Variants in JUN observed in about 807,000 individuals in gnomAD.
JUN encodes Jun proto-oncogene, AP-1 transcription factor subunit.
JUN carries 7 observed loss-of-function variants against 19.7 expected under a neutral mutation model. That is an observed-to-expected ratio of 0.36 (90% CI 0.20 to 0.67). The LOEUF is 0.67. Ranked by LOEUF, JUN falls within the 30% of genes least tolerant of loss-of-function variation. The probability of loss-of-function intolerance (pLI) is 0.64; values close to 1 mark genes in which losing one functional copy is unlikely to be tolerated. For synonymous variants in JUN, 246 were observed against 206.9 expected (o/e 1.19, Z -1.62); for missense variants, 373 against 451.0 (o/e 0.83, Z 1.57).
chr1:58,782,030 G>T lies in JUN; in HGVS notation c.*45C>A. ...CAAGTTCTCAAGTCTGTCTCTCTGT[G>T]TTATTTTTTTTCTTCGTTGCCCCTC... is the stretch of plus-strand genomic sequence containing the variant. On this transcript the variant is annotated 3_prime_UTR_variant, in exon 1 of 1. Coordinates refer to ENST00000371222, the MANE Select transcript of JUN (RefSeq NM_002228.4). The surrounding 1 kb of genome is among the most constrained non-coding windows in gnomAD (Gnocchi z 8.7). The T allele has an allele frequency of 6.9e-7, 1 of 1,455,756 alleles. No homozygotes were observed. Among genetic ancestry groups the T allele is most frequent in the Non-Finnish European group, 9.6e-7 (1 of 1,045,842 alleles). The allele number at this position is 1,455,756 out of a possible 1,614,324, so 90.2% of individuals were successfully genotyped here. A position where few individuals can be genotyped will look rare whatever the true frequency, so the allele number is the denominator to read the frequency against.
In JUN at chr1:58,783,343, C is replaced by A; in HGVS notation, c.-273G>T. ...CCGGCTTTGAAAAGTCGCGGTCACT[C>A]ACTGAGCGCTCTTCGTGCGCAGCGG... On this transcript the variant is annotated 5_prime_UTR_variant, in exon 1 of 1. Coordinates refer to ENST00000371222, the MANE Select transcript of JUN (RefSeq NM_002228.4). 2.1e-6 allele frequency: 1 copy of A among 469,998 alleles called. No individual in the cohort carries two copies. Among genetic ancestry groups the A allele is most frequent in the Non-Finnish European group, 4.0e-6 (1 of 252,590 alleles). 29.1% of individuals were successfully genotyped at this position (469,998 alleles called of 1,614,324 possible). A position where few individuals can be genotyped will look rare whatever the true frequency, so the allele number is the denominator to read the frequency against.
At position 58,781,816 on chromosome 1, in the gene JUN, G is replaced by C. The variant is rs1251528164; in HGVS notation, c.*259C>G. On this transcript the variant is annotated 3_prime_UTR_variant, in exon 1 of 1. Coordinates refer to ENST00000371222, the MANE Select transcript of JUN (RefSeq NM_002228.4). Reference sequence around the variant, plus strand: ...GAAAAGTCCAACGTTCCGTTCGCGCGGGGACAGCCCGTCCGCAAAGCGGGG... The same window carrying C: ...GAAAAGTCCAACGTTCCGTTCGCGCCGGGACAGCCCGTCCGCAAAGCGGGG... 3.9e-6 allele frequency: 2 copies of C among 516,578 alleles called. No homozygotes were observed. The highest frequency in any genetic ancestry group is 3.4e-6 in the Non-Finnish European group (1 of 291,052). 32.0% of individuals were successfully genotyped at this position (516,578 alleles called of 1,614,324 possible).
In JUN at chr1:58,782,613, C is replaced by G. The variant is rs1645585431; in HGVS notation, c.458G>C (p.Gly153Ala). The change falls in exon 1 of 1, where the codon GGC (glycine) becomes GCC (alanine). Residue 153 changes from glycine to alanine, a missense_variant. Physicochemically the swap from Gly to Ala is moderately conservative, Grantham distance 60. Transcript: ENST00000371222. The surrounding 1 kb of genome is among the most constrained non-coding windows in gnomAD (Gnocchi z 8.7). Reference sequence around the variant, plus strand: ...GGCGCTGAAGCCGCCGCTGCCGCTGCCCCCTGCCACCGAGGCTACCGCGGG... The same window carrying G: ...GGCGCTGAAGCCGCCGCTGCCGCTGGCCCCTGCCACCGAGGCTACCGCGGG... The part of the protein sequence containing the change: ...VAPAVASVAG[G>A]SGSGGFSASL... 6.3e-7 allele frequency: 1 copy of G among 1,593,418 alleles called. No homozygotes were observed. The highest frequency in any genetic ancestry group is 1.1e-5 in the South Asian group (1 of 90,622).
In JUN at chr1:58,784,007, C is replaced by G. The variant is rs928467744; in HGVS notation, c.-937G>C. On this transcript the variant is annotated 5_prime_UTR_variant, in exon 1 of 1. Transcript: ENST00000371222. ...CTGCCTGACTCCGCGCACCTCCACT[C>G]CCGCCTCGCTGCTTCAGCCACACTC... The G allele has an allele frequency of 1.2e-5, 3 of 249,202 alleles. No homozygotes were observed. The highest frequency in any genetic ancestry group is 2.5e-5 in the Non-Finnish European group (3 of 119,032). 15.4% of individuals were successfully genotyped at this position (249,202 alleles called of 1,614,324 possible).
At position 58,783,507 on chromosome 1, in the gene JUN, G is replaced by A; in HGVS notation, c.-437C>T. On this transcript the variant is annotated 5_prime_UTR_variant, in exon 1 of 1. Transcript: ENST00000371222. The stretch of plus-strand genomic sequence containing the variant: ...CCGACGACTTGTCCCCTCCTCCGCT[G>A]CTAGGGGGAGGGGGCGCCCGGCAGC... 4.0e-6 allele frequency: 1 copy of A among 251,246 alleles called. No homozygotes were observed. The highest frequency in any genetic ancestry group is 8.3e-6 in the Non-Finnish European group (1 of 120,206). 15.6% of individuals were successfully genotyped at this position (251,246 alleles called of 1,614,324 possible). A position where few individuals can be genotyped will look rare whatever the true frequency, so the allele number is the denominator to read the frequency against.
chr1:58,780,837 T>C lies in JUN; in HGVS notation c.*1238A>G, dbSNP rs1302095094. ...TGTGACAAGAATGCTGTTATAAATA[T>C]TCATAAGCAAAGGCCATCTTTTTAT... On this transcript the variant is annotated 3_prime_UTR_variant, in exon 1 of 1. Coordinates refer to ENST00000371222, the MANE Select transcript of JUN (RefSeq NM_002228.4). 4.3e-6 allele frequency: 1 copy of C among 232,828 alleles called. No individual in the cohort carries two copies. Among genetic ancestry groups the C allele is most frequent in the Non-Finnish European group, 8.5e-6 (1 of 117,852 alleles). The allele number at this position is 232,828 out of a possible 1,614,324, so 14.4% of individuals were successfully genotyped here. A position where few individuals can be genotyped will look rare whatever the true frequency, so the allele number is the denominator to read the frequency against.
chr1:58,782,867 C>T lies in JUN; in HGVS notation c.204G>A (p.Leu68=), dbSNP rs2100739923. 1.2e-6 allele frequency: 2 copies of T among 1,614,154 alleles called. No individual in the cohort carries two copies. The highest frequency in any genetic ancestry group is 2.2e-5 in the South Asian group (2 of 91,082). The change falls in exon 1 of 1, where the codon CTG becomes CTA. Residue 68 remains leucine, a synonymous_variant. Transcript: ENST00000371222. The surrounding 1 kb of genome is among the most constrained non-coding windows in gnomAD (Gnocchi z 8.7). ...CCAGCTCGGGCGACGCCAGCTTGAG[C>T]AGCCCCACGTCGGGCGAGGTGAGGA... ...SDLLTSPDVG[L]LKLASPELER...
chr1:58,783,476 C>G lies in JUN; in HGVS notation c.-406G>C, dbSNP rs1002522831. ...CGGCCGGCGGCGGGTCTTGGCCGCCCGGACTCCGACGACTTGTCCCCTCCT... is the reference window on the plus strand; with the variant it reads ...CGGCCGGCGGCGGGTCTTGGCCGCCGGGACTCCGACGACTTGTCCCCTCCT... On this transcript the variant is annotated 5_prime_UTR_variant, in exon 1 of 1. Transcript: ENST00000371222. 6 of 251,064 alleles carry G rather than the reference C, an allele frequency of 2.4e-5. No homozygotes were observed. In the Admixed American group the frequency reaches 3.2e-4, roughly 13 times the overall value. 15.6% of individuals were successfully genotyped at this position (251,064 alleles called of 1,614,324 possible).
rs1645578663 is a variant in JUN, at chr1:58,782,030, G to A, written c.*45C>T. On this transcript the variant is annotated 3_prime_UTR_variant, in exon 1 of 1. Transcript: ENST00000371222. The surrounding 1 kb of genome is among the most constrained non-coding windows in gnomAD (Gnocchi z 8.7). ...CAAGTTCTCAAGTCTGTCTCTCTGT[G>A]TTATTTTTTTTCTTCGTTGCCCCTC... is the stretch of plus-strand genomic sequence containing the variant. The A allele has an allele frequency of 3.4e-6, 5 of 1,455,642 alleles. No homozygotes were observed. Among genetic ancestry groups the A allele is most frequent in the Non-Finnish European group, 4.8e-6 (5 of 1,045,854 alleles). 90.2% of individuals were successfully genotyped at this position (1,455,642 alleles called of 1,614,324 possible).
chr1:58,781,752 T>A lies in JUN; in HGVS notation c.*323A>T. 1 of 292,578 alleles carries A rather than the reference T, an allele frequency of 3.4e-6. No homozygotes were observed. Among genetic ancestry groups the A allele is most frequent in the Non-Finnish European group, 6.4e-6 (1 of 155,174 alleles). The allele number at this position is 292,578 out of a possible 1,614,324, so 18.1% of individuals were successfully genotyped here. ...CTCCCCCCTTTAATACTGAATGAGA[T>A]CGAATGTTAGGTCCATGCAGTTCTT... On this transcript the variant is annotated 3_prime_UTR_variant, in exon 1 of 1. Coordinates refer to ENST00000371222, the MANE Select transcript of JUN (RefSeq NM_002228.4).
At position 58,783,340 on chromosome 1, in the gene JUN, A is replaced by C; in HGVS notation, c.-270T>G. 1 of 468,316 alleles carries C rather than the reference A, an allele frequency of 2.1e-6. No homozygotes were observed. The highest frequency in any genetic ancestry group is 4.0e-6 in the Non-Finnish European group (1 of 252,110). The allele number at this position is 468,316 out of a possible 1,614,324, so 29.0% of individuals were successfully genotyped here. A position where few individuals can be genotyped will look rare whatever the true frequency, so the allele number is the denominator to read the frequency against. On this transcript the variant is annotated 5_prime_UTR_variant, in exon 1 of 1. Transcript: ENST00000371222. ...TACCCGGCTTTGAAAAGTCGCGGTC[A>C]CTCACTGAGCGCTCTTCGTGCGCAG...
Position 58,782,789 on chromosome 1 carries a change from G to A in JUN, c.282C>T (p.Pro94=), listed in dbSNP as rs1462432189. Residue 94 remains proline, a synonymous_variant, in exon 1 of 1, where the codon CCC becomes CCT. Coordinates refer to ENST00000371222, the MANE Select transcript of JUN (RefSeq NM_002228.4). The surrounding 1 kb of genome is among the most constrained non-coding windows in gnomAD (Gnocchi z 8.7). ...SNGHITTTPT[P]TQFLCPKNVT... ...CGTTCTTGGGGCACAGGAACTGGGT[G>A]GGGGTCGGCGTGGTGGTGATGTGCC... is the stretch of plus-strand genomic sequence containing the variant. The A allele has an allele frequency of 6.2e-7, 1 of 1,613,510 alleles. No homozygotes were observed. The highest frequency in any genetic ancestry group is 1.7e-5 in the Admixed American group (1 of 60,014).
At position 58,782,398 on chromosome 1, in the gene JUN, G is replaced by A. The variant is rs1645581463; in HGVS notation, c.673C>T (p.Leu225=). 6.2e-7 allele frequency: 1 copy of A among 1,611,236 alleles called. No individual in the cohort carries two copies. Among genetic ancestry groups the A allele is most frequent in the African/African-American group, 1.3e-5 (1 of 74,778 alleles). ...GGCACTGTCTGAGGCTCCTCCTTCA[G>A]GGCCTGCAGCCGCGGGTGCTGCACG... ...MPVQHPRLQA[L]KEEPQTVPEM... is the part of the protein sequence containing the mutation. The change falls in exon 1 of 1, where the codon CTG becomes TTG. Residue 225 remains leucine (L), a synonymous_variant. Coordinates refer to ENST00000371222, the MANE Select transcript of JUN (RefSeq NM_002228.4). The surrounding 1 kb of genome is among the most constrained non-coding windows in gnomAD (Gnocchi z 8.7).
At position 58,783,607 on chromosome 1, in the gene JUN, C is replaced by T. The variant is rs1401331095; in HGVS notation, c.-537G>A. ...CGCACGTCCTTCTTCTCTTGCGTGGCTCTCCGCCGCCTTCTGGTCTTTACC... is the reference window on the plus strand; with the variant it reads ...CGCACGTCCTTCTTCTCTTGCGTGGTTCTCCGCCGCCTTCTGGTCTTTACC... On this transcript the variant is annotated 5_prime_UTR_variant, in exon 1 of 1. Transcript: ENST00000371222. 1.2e-5 allele frequency: 3 copies of T among 248,518 alleles called. No homozygotes were observed. Among genetic ancestry groups the T allele is most frequent in the African/African-American group, 2.2e-5 (1 of 45,338 alleles). 15.4% of individuals were successfully genotyped at this position (248,518 alleles called of 1,614,324 possible). A position where few individuals can be genotyped will look rare whatever the true frequency, so the allele number is the denominator to read the frequency against.
chr1:58,783,078 T>C lies in JUN; in HGVS notation c.-8A>G. On this transcript the variant is annotated 5_prime_UTR_variant, in exon 1 of 1. Coordinates refer to ENST00000371222, the MANE Select transcript of JUN (RefSeq NM_002228.4). Reference sequence around the variant, plus strand: ...TTCCATCTTTGCAGTCATAGAACAGTCCGTCACTTCACGTGAGGTTAGTTT... The same window carrying C: ...TTCCATCTTTGCAGTCATAGAACAGCCCGTCACTTCACGTGAGGTTAGTTT... 1.9e-6 allele frequency: 3 copies of C among 1,605,202 alleles called. No individual in the cohort carries two copies. Among genetic ancestry groups the C allele is most frequent in the Non-Finnish European group, 2.6e-6 (3 of 1,173,210 alleles).
Position 58,782,018 on chromosome 1 carries a change from C to T in JUN, c.*57G>A. The T allele has an allele frequency of 7.3e-7, 1 of 1,376,636 alleles. No homozygotes were observed. The highest frequency in any genetic ancestry group is 1.0e-6 in the Non-Finnish European group (1 of 980,812). The allele number at this position is 1,376,636 out of a possible 1,614,324, so 85.3% of individuals were successfully genotyped here. A position where few individuals can be genotyped will look rare whatever the true frequency, so the allele number is the denominator to read the frequency against. ...GTCGCAACTTGTCAAGTTCTCAAGT[C>T]TGTCTCTCTGTGTTATTTTTTTTCT... On this transcript the variant is annotated 3_prime_UTR_variant, in exon 1 of 1. Transcript: ENST00000371222. This position sits in a 1 kb window ranked among gnomAD's most constrained non-coding sequence, Gnocchi z 8.7.
Position 58,781,878 on chromosome 1 carries a change from G to A in JUN, c.*197C>T. The A allele has an allele frequency of 1.7e-6, 1 of 594,378 alleles. No individual in the cohort carries two copies. Among genetic ancestry groups the A allele is most frequent in the Non-Finnish European group, 3.0e-6 (1 of 337,750 alleles). 36.8% of individuals were successfully genotyped at this position (594,378 alleles called of 1,614,324 possible). ...CGGCCGCTCCCTGGCTCCACGCCAAGGGAGGGCGCGCCAAGTCCTTCCCAC... is the reference window on the plus strand; with the variant it reads ...CGGCCGCTCCCTGGCTCCACGCCAAAGGAGGGCGCGCCAAGTCCTTCCCAC... On this transcript the variant is annotated 3_prime_UTR_variant, in exon 1 of 1. Transcript: ENST00000371222.
rs1368351297 is a variant in JUN, at chr1:58,781,728, T to A, written c.*347A>T. ...ATTGCAGTTTGTAACCCCCTCCCCC[T>A]CCCCCCTTTAATACTGAATGAGATC... is the stretch of plus-strand genomic sequence containing the variant. On this transcript the variant is annotated 3_prime_UTR_variant, in exon 1 of 1. Transcript: ENST00000371222. 2 of 165,912 alleles carry A rather than the reference T, an allele frequency of 1.2e-5. No homozygotes were observed. Among genetic ancestry groups the A allele is most frequent in the Admixed American group, 9.2e-5 (1 of 10,842 alleles). 10.3% of individuals were successfully genotyped at this position (165,912 alleles called of 1,614,324 possible). A position where few individuals can be genotyped will look rare whatever the true frequency, so the allele number is the denominator to read the frequency against.
In JUN at chr1:58,780,825, C is replaced by T. The variant is rs931514420; in HGVS notation, c.*1250G>A. 8.6e-6 allele frequency: 2 copies of T among 232,460 alleles called. No homozygotes were observed. Among genetic ancestry groups the T allele is most frequent in the African/African-American group, 4.4e-5 (2 of 45,312 alleles). 14.4% of individuals were successfully genotyped at this position (232,460 alleles called of 1,614,324 possible). Reference sequence around the variant, plus strand: ...GAATACATTTATTGTGACAAGAATGCTGTTATAAATATTCATAAGCAAAGG... The same window carrying T: ...GAATACATTTATTGTGACAAGAATGTTGTTATAAATATTCATAAGCAAAGG... On this transcript the variant is annotated 3_prime_UTR_variant, in exon 1 of 1. Coordinates refer to ENST00000371222, the MANE Select transcript of JUN (RefSeq NM_002228.4).
Sources: gnomAD v4.1 joint callset for allele counts on GRCh38, gnomAD v4.1.1 for gene constraint, Gnocchi (gnomAD v3.1) non-coding constraint, MANE v1.5 for transcripts, NCBI Gene and HGNC (gene_info 2026-07-23, HGNC 2026-07-21) for gene names.